CHAF1A: variants seen among roughly 807,000 people sequenced by gnomAD.
The protein encoded by CHAF1A is chromatin assembly factor 1 subunit A.
Under a neutral mutation model 93.2 loss-of-function variants are expected in CHAF1A, and 5 were observed. That is an observed-to-expected ratio of 0.05 (90% CI 0.03 to 0.11). The LOEUF is 0.11. Ranked by LOEUF, CHAF1A falls within the 10% of genes least tolerant of loss-of-function variation. The pLI is 1.00. For missense variants in CHAF1A, 1,102 were observed against 1,259.9 expected, an observed-to-expected ratio of 0.87 and a Z score of 1.90; for synonymous variants, 504 against 510.3, an observed-to-expected ratio of 0.99 and a Z score of 0.17.
intron 13 of CHAF1A, among the ~76,000 whole-genome samples, chr19:4,441,758 C>T (rs1405711740): frequency 4.6e-5 from 7 of 151,790 alleles, no homozygotes; most frequent in African/African-American, 1.5e-4. Context: ...ACAAACTGGG[C>T]GTGGTGTCAG....
At chr19:4,442,166 G>A (rs957968181) in intron 13 of CHAF1A, 79 bp from the exon 14 acceptor site, 6 of 1,159,406 alleles carry the variant, frequency 5.2e-6, no homozygotes, top group Non-Finnish European at 7.8e-6. Flanking sequence ...TCACACCTGT[G>A]GAGTTCCCCC....
chr19:4,445,921 A>C, downstream of CHAF1A: 19 of 1,437,112 alleles, frequency 1.3e-5, no homozygotes, highest in Non-Finnish European at 1.6e-5. Flanking sequence ...GCAGGATTCA[A>C]ACCCAGGGAC....
At chr19:4,423,981 G>T in intron 7 of CHAF1A, 107 bp downstream of exon 7, 1 of 1,030,652 alleles carries the variant, frequency 9.7e-7, no homozygotes, top group Non-Finnish European at 1.5e-6. Context: ...AGGAGGGAGG[G>T]AGCCTCCAGT....
chr19:4,430,196 A>T, intron 10 of CHAF1A: 1 of 320,318 alleles, frequency 3.1e-6, no homozygotes, highest in African/African-American at 2.2e-5. Flanking sequence ...TTGTTTCTTT[A>T]AGATGGAGTC....
intron 6 of CHAF1A, 151 bp downstream of exon 6, chr19:4,423,546 T>A: frequency 1.5e-6 from 2 of 1,358,542 alleles, no homozygotes; most frequent in Non-Finnish European, 2.0e-6. Context: ...TCTAGATGCG[T>A]TCTTGTTGCT....
At chr19:4,405,080 TCTC>T (rs1206568498) in intron 1 of CHAF1A, among the ~76,000 whole-genome samples, 1 of 152,160 alleles carries the variant, frequency 6.6e-6, no homozygotes, top group Non-Finnish European at 1.5e-5. Context: ...TGATGTTTTC[TCTC>T]CTCCCTACTT....
chr19:4,420,247 T>C (rs1045331051), intron 4 of CHAF1A, among the ~76,000 whole-genome samples: 1 of 68,692 alleles, frequency 1.5e-5, no homozygotes, highest in African/African-American at 5.4e-5. Context: ...AGGTGAGCGT[T>C]TTTTTTTTTT....
At position 4,423,375 on chromosome 19, in the gene CHAF1A, C is replaced by A. The variant is rs573779621; in HGVS notation, c.1288C>A (p.Arg430=). 7 of 1,613,850 alleles carry A rather than the reference C, an allele frequency of 4.3e-6. No individual in the cohort carries two copies. The South Asian group carries it at 6.6e-5, about 15-fold the overall frequency. Residue 430 remains arginine (R), a synonymous_variant, in exon 6 of 15, where the codon CGG becomes AGG. Transcript: ENST00000301280. ...AAAAAGGAAAAAGGAAGAAGAGAAA[C>A]GGTTAAGAGAAGAAGAGAAGGTAGA... ...EEKRKKEEEK[R]LREEEKRIKA...
chr19:4,415,006 G>A (rs1401766577), intron 3 of CHAF1A, among the ~76,000 whole-genome samples: 1 of 152,122 alleles, frequency 6.6e-6, no homozygotes, highest in Non-Finnish European at 1.5e-5. Flanking sequence ...TCTGAGAAAG[G>A]GTGCAGGAAT....
intron 11 of CHAF1A, among the ~76,000 whole-genome samples, chr19:4,431,696 G>T (rs1024924848): frequency 6.6e-6 from 1 of 152,162 alleles, no homozygotes; most frequent in Non-Finnish European, 1.5e-5. Flanking sequence ...ATTCAGAGGG[G>T]TGTTAAAAGA....
downstream of CHAF1A, among the ~76,000 whole-genome samples, chr19:4,444,275 G>A (rs1568186364): frequency 6.6e-6 from 1 of 152,190 alleles, no homozygotes; most frequent in Non-Finnish European, 1.5e-5. Flanking sequence ...TCCCCCAGGT[G>A]CAGACCTGCA....
chr19:4,431,980 T>C lies in CHAF1A; in HGVS notation c.1976T>C (p.Val659Ala). Residue 659 changes from valine (V) to alanine (A), a missense_variant, in exon 12 of 15, where the codon GTC becomes GCC. Val to Ala is a moderately conservative substitution (Grantham distance 64). Transcript: ENST00000301280. ...EECADPENHK[V>A]RQKLKAKEWD... ...TGTGCCGACCCTGAGAACCATAAGG[T>C]CCGCCAGAAACTGAAGGCCAAGGAG... is the stretch of plus-strand genomic sequence containing the variant. 6.2e-7 allele frequency: 1 copy of C among 1,612,352 alleles called. No homozygotes were observed.
At chr19:4,438,508 C>T (rs1304901274) in intron 13 of CHAF1A, among the ~76,000 whole-genome samples, 1 of 150,236 alleles carries the variant, frequency 6.7e-6, no homozygotes, top group African/African-American at 2.4e-5. Context: ...AATCTTTTTA[C>T]TTAGAGCTCA....
chr19:4,439,707 T>C (rs1008814144), intron 13 of CHAF1A, among the ~76,000 whole-genome samples: 3 of 152,254 alleles, frequency 2.0e-5, no homozygotes, highest in African/African-American at 4.8e-5. Flanking sequence ...AGGGGACTCT[T>C]AGACTCTTCT....
rs1974188491 is a variant in CHAF1A at position 4,431,868 on chromosome 19, T to G, written c.1948-84T>G. Reference sequence around the variant, plus strand: ...CTGTCCTTTCCTCTTGCTCCCCAGCTGGCTGGGGACTGGTTCCTCAAAAGA... The same window carrying G: ...CTGTCCTTTCCTCTTGCTCCCCAGCGGGCTGGGGACTGGTTCCTCAAAAGA... On this transcript the variant is annotated intron_variant, in intron 11 of 14. Coordinates refer to ENST00000301280, the MANE Select transcript of CHAF1A (RefSeq NM_005483.3). The G allele has an allele frequency of 4.7e-6, 7 of 1,504,778 alleles. No individual in the cohort carries two copies. The Admixed American group carries it at 1.5e-4, about 32-fold the overall frequency. 93.2% of individuals were successfully genotyped at this position (1,504,778 alleles called of 1,614,324 possible).
At chr19:4,414,888 C>T (rs979670696) in intron 3 of CHAF1A, among the ~76,000 whole-genome samples, 8 of 152,192 alleles carry the variant, frequency 5.3e-5, no homozygotes, top group Admixed American at 5.2e-4. Context: ...TCTTTTCCCC[C>T]CTGCCTCCGC....
intron 3 of CHAF1A, among the ~76,000 whole-genome samples, chr19:4,410,386 C>CTTTTT (rs71166992): frequency 4.9e-4 from 68 of 137,518 alleles, no homozygotes; most frequent in African/African-American, 1.6e-3. Flanking sequence ...AAAAAAATTA[C>CTTTTT]TTTTTTTTTT....
intron 13 of CHAF1A, among the ~76,000 whole-genome samples, chr19:4,438,668 T>A (rs929378618): frequency 2.6e-5 from 4 of 152,098 alleles, no homozygotes. Context: ...AACAAAACAT[T>A]ATGTGATCAA....
intron 1 of CHAF1A, 100 bp downstream of exon 1, chr19:4,402,914 C>A: frequency 1.4e-6 from 1 of 736,126 alleles, no homozygotes; most frequent in Non-Finnish European, 1.8e-6. Flanking sequence ...GGCGCCAAGC[C>A]TGGTCCTGCG....
Sources: gnomAD v4.1 joint callset for allele counts (sites outside exome capture counted in the v4.1 genomes callset) on GRCh38, gnomAD v4.1.1 for gene constraint, MANE v1.5 for transcripts, NCBI Gene and HGNC (gene_info 2026-07-23, HGNC 2026-07-21) for gene names.